Variants in CRYBG3 observed in about 807,000 individuals in gnomAD.
CRYBG3 encodes crystallin beta-gamma domain containing 3.
Under a neutral mutation model 244.2 loss-of-function variants are expected in CRYBG3, and 127 were observed. The ratio of observed to expected loss-of-function variants is 0.52; its 90% confidence interval spans 0.45 to 0.60. The LOEUF is 0.60. Among genes scored for constraint, CRYBG3 ranks in the 20% least tolerant of loss-of-function variants. The pLI, the probability that CRYBG3 is intolerant of heterozygous loss-of-function variation, is 0.00. For missense variants in CRYBG3, 3,325 were observed against 3,442.5 expected, an observed-to-expected ratio of 0.97 and a Z score of 0.85; for synonymous variants, 1,132 against 1,195.8, an observed-to-expected ratio of 0.95 and a Z score of 1.10.
intron 15 of CRYBG3, among the ~76,000 whole-genome samples, chr3:97,904,698 T>G (rs2039746645): frequency 6.6e-6 from 1 of 150,834 alleles, no homozygotes; most frequent in African/African-American, 2.4e-5. Flanking sequence ...TTTTTTATTT[T>G]TATTTTTTTT....
At position 97,877,761 on chromosome 3, in the gene CRYBG3, C is replaced by T. The variant is rs564242205; in HGVS notation, c.6567C>T (p.Ser2189=). ...CATTTTACCCTGATGACCAGGAGAGCGTTGGAATTTCTAAGAATTCATATG... is the reference window on the plus strand; with the variant it reads ...CATTTTACCCTGATGACCAGGAGAGTGTTGGAATTTCTAAGAATTCATATG... ...SITFYPDDQE[S]VGISKNSYVM... The change falls in exon 4 of 22, where the codon AGC becomes AGT. Residue 2189 remains serine (S), a synonymous_variant. Coordinates refer to ENST00000389622, the MANE Select transcript of CRYBG3 (RefSeq NM_153605.4). 84 of 1,614,056 alleles carry T rather than the reference C, an allele frequency of 5.2e-5. No homozygotes were observed. The highest frequency in any genetic ancestry group is 6.9e-5 in the Non-Finnish European group (82 of 1,180,004).
At chr3:97,826,993 T>C (rs1434539705) in intron 1 of CRYBG3, among the ~76,000 whole-genome samples, 1 of 152,242 alleles carries the variant, frequency 6.6e-6, no homozygotes, top group Non-Finnish European at 1.5e-5. Context: ...ATGGTTTGGT[T>C]AGCTTCCTTT....
intron 11 of CRYBG3, among the ~76,000 whole-genome samples, chr3:97,893,690 GT>G (rs2039607258): frequency 6.6e-6 from 1 of 152,184 alleles, no homozygotes; most frequent in Non-Finnish European, 1.5e-5. Context: ...ACATTCTGTT[GT>G]CTCTCTGTTG....
rs562542154 is a variant in CRYBG3, at chr3:97,890,398, C to G, written c.7440+1008C>G. Among the ~76,000 whole-genome samples the G allele has an allele frequency of 3.9e-5, 6 of 152,248 alleles. No individual in the cohort carries two copies. The East Asian group carries it at 1.2e-3, about 29-fold the overall frequency. On this transcript the variant is annotated intron_variant, in intron 10 of 21. Coordinates refer to ENST00000389622, the MANE Select transcript of CRYBG3 (RefSeq NM_153605.4). ...GTCTCAGTCTCCTAGTCTGGTCAAT[C>G]AGGACTTCAGTTGTGACAGGCTGGA... is the stretch of plus-strand genomic sequence containing the variant.
Position 97,875,438 on chromosome 3 carries a change from A to C in CRYBG3, c.4244A>C (p.Asp1415Ala). Residue 1415 changes from aspartate (D) to alanine (A), a missense_variant, in exon 4 of 22, where the codon GAT becomes GCT. Asp to Ala is a moderately radical substitution (Grantham distance 126). This residue lies in a region of CRYBG3 where 635 missense variants were observed against 771.7 expected (regional missense o/e 0.82). Transcript: ENST00000389622. ...TCTGGAAATGGATCTGGACTGTCTGATAGTATAAATTTGCAGGAATCAGAT... is the reference window on the plus strand; with the variant it reads ...TCTGGAAATGGATCTGGACTGTCTGCTAGTATAAATTTGCAGGAATCAGAT... ...LFSGNGSGLS[D>A]SINLQESDTV... is the part of the protein sequence containing the mutation. The C allele has an allele frequency of 7.4e-7, 1 of 1,346,578 alleles. No homozygotes were observed. The highest frequency in any genetic ancestry group is 9.5e-7 in the Non-Finnish European group (1 of 1,056,662). The allele number at this position is 1,346,578 out of a possible 1,614,324, so 83.4% of individuals were successfully genotyped here.
intron 17 of CRYBG3, among the ~76,000 whole-genome samples, chr3:97,931,439 G>A (rs531370147): frequency 7.2e-5 from 11 of 152,002 alleles, no homozygotes; most frequent in Admixed American, 4.6e-4. Flanking sequence ...TTTCATCATC[G>A]CCCACCTGTG....
chr3:97,938,528 T>TCACATGCA (rs11278587), intron 19 of CRYBG3, among the ~76,000 whole-genome samples: 33 of 152,022 alleles, frequency 2.2e-4, no homozygotes, highest in African/African-American at 6.0e-4. Flanking sequence ...CTCACCCTCT[T>TCACATGCA]CACATGCACA....
chr3:97,890,058 C>A (rs1023013924), intron 10 of CRYBG3, among the ~76,000 whole-genome samples: 15 of 152,180 alleles, frequency 9.9e-5, no homozygotes, highest in Admixed American at 8.5e-4. Context: ...TTCCTCTTCT[C>A]TAAAGCAAGA....
At position 97,912,846 on chromosome 3, in the gene CRYBG3, T is replaced by C. The variant is rs831880; in HGVS notation, c.8114+570T>C. On this transcript the variant is annotated intron_variant, in intron 16 of 21. Coordinates refer to ENST00000389622, the MANE Select transcript of CRYBG3 (RefSeq NM_153605.4). ...TATATGAAACTACATGTGATTCCCA[T>C]GGCTAAAATATATTCTACAATTTTT... 2.5e-3 allele frequency among the ~76,000 whole-genome samples: 380 copies of C among 152,338 alleles called. 3 individuals carry two copies. The highest frequency in any genetic ancestry group is 0.025 in the East Asian group (129 of 5,186).
At chr3:97,907,573 C>T (rs1308246507) in intron 15 of CRYBG3, among the ~76,000 whole-genome samples, 1 of 147,766 alleles carries the variant, frequency 6.8e-6, no homozygotes, top group Non-Finnish European at 1.5e-5. Flanking sequence ...GTTTGTATTT[C>T]TGTGGGATCG....
At position 97,873,278 on chromosome 3, in the gene CRYBG3, A is replaced by G; in HGVS notation, c.2084A>G (p.Tyr695Cys). Residue 695 changes from tyrosine (Y) to cysteine (C), a missense_variant, in exon 4 of 22, where the codon TAT becomes TGT. Tyr to Cys is a radical substitution (Grantham distance 194). This residue lies in a region of CRYBG3 where 1,526 missense variants were observed against 1,443.2 expected (regional missense o/e 1.06). Transcript: ENST00000389622. ...AATGTCAACATTGTTGGTATTTCCT[A>G]TCAGCCTAGGAAGTGTAAAGAAGAA... ...TGNVNIVGISYQPRKCKEENV... is the reference protein window; with the variant it reads ...TGNVNIVGISCQPRKCKEENV... 3.3e-6 allele frequency: 5 copies of G among 1,535,418 alleles called. No individual in the cohort carries two copies. The highest frequency in any genetic ancestry group is 4.4e-6 in the Non-Finnish European group (5 of 1,146,626).
chr3:97,871,934 G>C lies in CRYBG3; in HGVS notation c.740G>C (p.Gly247Ala). 1 of 1,535,684 alleles carries C rather than the reference G, an allele frequency of 6.5e-7. No homozygotes were observed. Among genetic ancestry groups the C allele is most frequent in the Non-Finnish European group, 8.7e-7 (1 of 1,146,628 alleles). The change falls in exon 4 of 22, where the codon GGC becomes GCC. Residue 247 changes from glycine (G) to alanine (A), a missense_variant. Coordinates refer to ENST00000389622, the MANE Select transcript of CRYBG3 (RefSeq NM_153605.4). ...HIGKYLKQQT[G>A]LATVNTLDRE... ...GGGAAATATTTAAAGCAACAGACAG[G>C]CTTGGCAACTGTGAATACCTTGGAC...
chr3:97,923,945 G>A (rs1017613102), intron 17 of CRYBG3, among the ~76,000 whole-genome samples: 2 of 152,060 alleles, frequency 1.3e-5, no homozygotes, highest in African/African-American at 4.8e-5. Flanking sequence ...GTAAAACATG[G>A]CAAGCTTATC....
At chr3:97,878,703 G>GA (rs1480628810) in intron 4 of CRYBG3, among the ~76,000 whole-genome samples, 1 of 152,178 alleles carries the variant, frequency 6.6e-6, no homozygotes, top group Admixed American at 6.5e-5. Context: ...TTAGTTTCAT[G>GA]AAAAATCTTT....
At position 97,822,369 on chromosome 3, in the gene CRYBG3, A is replaced by AG. The variant is rs1404274429; in HGVS notation, c.149+19dup. 12 of 1,493,082 alleles carry AG rather than the reference A, an allele frequency of 8.0e-6. No individual in the cohort carries two copies. The African/African-American group carries it at 1.7e-4, about 21-fold the overall frequency. 92.5% of individuals were successfully genotyped at this position (1,493,082 alleles called of 1,614,324 possible). On this transcript the variant is annotated intron_variant, in intron 1 of 21. Transcript: ENST00000389622. ...GTCCGCTGCCAGGTGGGAGTCGAGG[A>AG]GGGGGTCGCGGGGGGGCCCTGCACA...
chr3:97,941,213 A>G lies in CRYBG3; in HGVS notation c.8571A>G (p.Leu2857=), dbSNP rs1177029878. ...QGEYLTVTGS[L]ADTRATSVCI... ...AATATCTGACAGTCACTGGAAGTCTAGCAGACACCAGGGCAACATCTGTGT... is the reference window on the plus strand; with the variant it reads ...AATATCTGACAGTCACTGGAAGTCTGGCAGACACCAGGGCAACATCTGTGT... Residue 2857 remains leucine (L), a synonymous_variant, in exon 20 of 22, where the codon CTA becomes CTG. Transcript: ENST00000389622. The G allele has an allele frequency of 1.2e-6, 2 of 1,611,642 alleles. No individual in the cohort carries two copies.
At chr3:97,851,131 CAA>C (rs11393717) in intron 2 of CRYBG3, among the ~76,000 whole-genome samples, 44 of 94,146 alleles carry the variant, frequency 4.7e-4, no homozygotes, top group Non-Finnish European at 4.8e-4. Flanking sequence ...AGACTGTCTC[CAA>C]AAAAAAAAAA....
At chr3:97,892,655 G>C (rs751736730) in intron 10 of CRYBG3, among the ~76,000 whole-genome samples, 3 of 151,924 alleles carry the variant, frequency 2.0e-5, no homozygotes, top group Non-Finnish European at 4.4e-5. Context: ...GTTATAACAA[G>C]TTAGTAGAAG....
At chr3:97,848,478 T>C (rs905419982) in intron 2 of CRYBG3, among the ~76,000 whole-genome samples, 1 of 152,086 alleles carries the variant, frequency 6.6e-6, no homozygotes, top group Non-Finnish European at 1.5e-5. Flanking sequence ...ATTTTTTGTA[T>C]TTTTAGTAGA....
Sources: gnomAD v4.1 joint callset for allele counts (sites outside exome capture counted in the v4.1 genomes callset) on GRCh38, gnomAD v4.1.1 for gene constraint, gnomAD v4.1.1 regional missense constraint, MANE v1.5 for transcripts, NCBI Gene and HGNC (gene_info 2026-07-23, HGNC 2026-07-21) for gene names.